POMT2: variants seen among roughly 807,000 people sequenced by gnomAD.
POMT2 encodes protein O-mannosyl-transferase 2.
POMT2 carries 75 observed loss-of-function variants against 100.0 expected under a neutral mutation model. The ratio of observed to expected loss-of-function variants is 0.75; its 90% confidence interval spans 0.62 to 0.91. The LOEUF (loss-of-function observed/expected upper bound fraction) is 0.91. Ranked by LOEUF, POMT2 falls within the 40% of genes least tolerant of loss-of-function variation. POMT2 has a pLI of 0.00. For missense variants in POMT2, 940 were observed against 955.1 expected, an observed-to-expected ratio of 0.98 and a Z score of 0.21; for synonymous variants, 378 against 374.1, an observed-to-expected ratio of 1.01 and a Z score of -0.12.
chr14:77,304,899 G>A, intron 3 of POMT2, 99 bp from the exon 4 acceptor site: 4 of 1,532,142 alleles, frequency 2.6e-6, no homozygotes, highest in Non-Finnish European at 3.5e-6. Flanking sequence ...GGGACCTGAT[G>A]AAGGCATGAC....
Position 77,277,501 on chromosome 14 carries a change from G to A in POMT2, c.2148-20C>T, listed in dbSNP as rs372493007. ...TAGAAGCTGTGAGAGAGAACCAGTA[G>A]GAGGCAGTTGGCACCCCCAGTGCCT... On this transcript the variant is annotated intron_variant, in intron 20 of 20. Transcript: ENST00000261534. The A allele has an allele frequency of 1.6e-5, 25 of 1,570,398 alleles. No homozygotes were observed. Among genetic ancestry groups the A allele is most frequent in the Non-Finnish European group, 2.2e-5 (25 of 1,140,420 alleles).
chr14:77,278,852 G>A lies in POMT2; in HGVS notation c.1909C>T (p.Leu637Phe), dbSNP rs2140162404. ...AEVAGLSQVL[L>F]RGGGQVLLGW... Reference sequence around the variant, plus strand: ...AGCAGGACCTGGCCGCCTCCTCGAAGCAGGACCTGGGACAACCCTGGGCCC... The same window carrying A: ...AGCAGGACCTGGCCGCCTCCTCGAAACAGGACCTGGGACAACCCTGGGCCC... Residue 637 changes from leucine (L) to phenylalanine (F), a missense_variant, in exon 19 of 21, where the codon CTT (leucine) becomes TTT (phenylalanine). Physicochemically the swap from Leu to Phe is conservative, Grantham distance 22. Coordinates refer to ENST00000261534, the MANE Select transcript of POMT2 (RefSeq NM_013382.7). 6.2e-7 allele frequency: 1 copy of A among 1,613,240 alleles called. No individual in the cohort carries two copies. The highest frequency in any genetic ancestry group is 1.1e-5 in the South Asian group (1 of 91,076).
Position 77,320,791 on chromosome 14 carries a change from G to T in POMT2, c.-110C>A, listed in dbSNP as rs1594813566. On this transcript the variant is annotated 5_prime_UTR_variant, in exon 1 of 21. Transcript: ENST00000261534. ...CTCGGGGTACCCCGGGAAATGCAAC[G>T]CCCTTCACTGCAGCGGAGCGCGGGG... 6.9e-7 allele frequency: 1 copy of T among 1,457,892 alleles called. No homozygotes were observed. The highest frequency in any genetic ancestry group is 9.0e-7 in the Non-Finnish European group (1 of 1,115,078). 90.3% of individuals were successfully genotyped at this position (1,457,892 alleles called of 1,614,324 possible).
At position 77,275,354 on chromosome 14, in the gene POMT2, G is replaced by C. The variant is rs1594879914; in HGVS notation, c.*2022C>G. Reference sequence around the variant, plus strand: ...GGCCCCAGTGCAGCCTAATTGGGAGGGAGGGATGGGTAGAGGCTGGCTGGG... The same window carrying C: ...GGCCCCAGTGCAGCCTAATTGGGAGCGAGGGATGGGTAGAGGCTGGCTGGG... On this transcript the variant is annotated 3_prime_UTR_variant, in exon 21 of 21. Coordinates refer to ENST00000261534, the MANE Select transcript of POMT2 (RefSeq NM_013382.7). The C allele has an allele frequency of 6.6e-6, 1 of 152,412 alleles. No individual in the cohort carries two copies. The highest frequency in any genetic ancestry group is 1.9e-4 in the East Asian group (1 of 5,184). The allele number at this position is 152,412 out of a possible 1,614,324, so 9.4% of individuals were successfully genotyped here.
At position 77,291,335 on chromosome 14, in the gene POMT2, T is replaced by G; in HGVS notation, c.1162A>C (p.Lys388Gln). 6.3e-7 allele frequency: 1 copy of G among 1,587,886 alleles called. No homozygotes were observed. The highest frequency in any genetic ancestry group is 8.5e-7 in the Non-Finnish European group (1 of 1,170,700). Reference sequence around the variant, plus strand: ...TTACCTGAGTTTGTGTTATGTTTCTTGATAATCCACAGGTTGTTGTAGTCC... The same window carrying G: ...TTACCTGAGTTTGTGTTATGTTTCTGGATAATCCACAGGTTGTTGTAGTCC... ...HKDYNNLWII[K>Q]KHNTNSDPLD... Residue 388 changes from lysine to glutamine, a missense_variant, in exon 10 of 21, where the codon AAG becomes CAG. Transcript: ENST00000261534.
At chr14:77,285,424 T>C (rs1890387480) in intron 13 of POMT2, 57 bp downstream of exon 13, 1 of 1,606,268 alleles carries the variant, frequency 6.2e-7, no homozygotes, top group Non-Finnish European at 8.5e-7. Context: ...ATACTCCTTG[T>C]AGAGTGAAAG....
chr14:77,319,091 T>C (rs531583616), intron 1 of POMT2, among the ~76,000 whole-genome samples: 56 of 152,320 alleles, frequency 3.7e-4, no homozygotes, highest in African/African-American at 1.2e-3. Flanking sequence ...TTGTAATTAC[T>C]GGTAATGACA....
intron 8 of POMT2, 35 bp downstream of exon 8, chr14:77,298,654 G>T: frequency 6.2e-7 from 1 of 1,609,314 alleles, no homozygotes; most frequent in Non-Finnish European, 8.5e-7. Context: ...ACACCCCTCT[G>T]CCTTCTACCT....
intron 2 of POMT2, among the ~76,000 whole-genome samples, chr14:77,308,925 C>T (rs1040289112): frequency 2.0e-5 from 3 of 152,162 alleles, no homozygotes; most frequent in Admixed American, 1.3e-4. Context: ...CTGGAAATAA[C>T]ATACATGCTG....
intron 1 of POMT2, among the ~76,000 whole-genome samples, chr14:77,315,284 A>G (rs376430038): frequency 6.6e-6 from 1 of 152,208 alleles, no homozygotes; most frequent in Non-Finnish European, 1.5e-5. Flanking sequence ...GTCGTGATGC[A>G]AGCCTAGTGA....
chr14:77,309,052 T>C (rs750213136), intron 2 of POMT2, among the ~76,000 whole-genome samples: 2 of 152,234 alleles, frequency 1.3e-5, no homozygotes, highest in Non-Finnish European at 2.9e-5. Context: ...AGATATATCA[T>C]GTTTCAAACA....
At chr14:77,319,340 C>T (rs565339600) in intron 1 of POMT2, among the ~76,000 whole-genome samples, 9 of 152,296 alleles carry the variant, frequency 5.9e-5, no homozygotes, top group African/African-American at 2.2e-4. Context: ...AAGGGACAAA[C>T]TGAAAAGATG....
Position 77,305,983 on chromosome 14 carries a change from G to A in POMT2, c.438+354C>T, listed in dbSNP as rs149487304. Among the ~76,000 whole-genome samples, 861 of 152,324 alleles carry A rather than the reference G, an allele frequency of 5.7e-3. 8 individuals carry two copies. Among genetic ancestry groups the A allele is most frequent in the African/African-American group, 0.02 (817 of 41,578 alleles). On this transcript the variant is annotated intron_variant, in intron 3 of 20. Coordinates refer to ENST00000261534, the MANE Select transcript of POMT2 (RefSeq NM_013382.7). ...GGCTGTGAGGGGAGGAGCAGGCAGC[G>A]TGCCAGTGCATGGAGGCACTGCTGG...
chr14:77,312,338 GT>G (rs1196562264), intron 1 of POMT2: 1 of 302,688 alleles, frequency 3.3e-6, no homozygotes, highest in African/African-American at 2.3e-5. Context: ...AGGACAAGAT[GT>G]TTTCTCATAA....
intron 15 of POMT2, among the ~76,000 whole-genome samples, chr14:77,281,613 C>T (rs569180827): frequency 1.3e-5 from 2 of 152,312 alleles, no homozygotes; most frequent in South Asian, 2.1e-4. Flanking sequence ...ACTGAAAAGG[C>T]ATTTCCCCAG....
intron 2 of POMT2, among the ~76,000 whole-genome samples, chr14:77,310,428 A>G (rs1454278882): frequency 6.6e-6 from 1 of 152,240 alleles, no homozygotes; most frequent in Non-Finnish European, 1.5e-5. Flanking sequence ...CTAGAACAGA[A>G]TAAATGTTTT....
At chr14:77,288,853 T>G in intron 10 of POMT2, 22 bp from the exon 11 acceptor site, 1 of 1,608,634 alleles carries the variant, frequency 6.2e-7, no homozygotes, top group Non-Finnish European at 8.5e-7. Flanking sequence ...AAACAAGCAT[T>G]GATATCCAAA....
At chr14:77,308,863 A>T in intron 2 of POMT2, 1 of 416,398 alleles carries the variant, frequency 2.4e-6, no homozygotes, top group South Asian at 1.8e-5. Flanking sequence ...CAACTATACA[A>T]CGATATATGT....
intron 11 of POMT2, chr14:77,287,526 C>G (rs1180048008): frequency 2.9e-5 from 3 of 103,354 alleles, no homozygotes; most frequent in Non-Finnish European, 4.3e-5. Context: ...CTGTCTCTCT[C>G]TCTCTCTCTC....
Sources: gnomAD v4.1 joint callset for allele counts (sites outside exome capture counted in the v4.1 genomes callset) on GRCh38, gnomAD v4.1.1 for gene constraint, MANE v1.5 for transcripts, NCBI Gene and HGNC (gene_info 2026-07-23, HGNC 2026-07-21) for gene names.